The following VPS13D variants were observed in gnomAD, a reference collection of about 807,000 sequenced individuals.
VPS13D encodes the protein intermembrane lipid transfer protein VPS13D.
A neutral mutation model predicts 461.9 loss-of-function variants in VPS13D; 187 were observed. The observed-to-expected ratio is 0.40, with a 90% CI of 0.36 to 0.46. The LOEUF is 0.46. Ranked by LOEUF, VPS13D falls within the 20% of genes least tolerant of loss-of-function variation. The probability of loss-of-function intolerance (pLI) is 0.60; values close to 1 mark genes in which losing one functional copy is unlikely to be tolerated. For synonymous variants in VPS13D, 1,951 were observed against 1,986.3 expected (o/e 0.98, Z 0.47); for missense variants, 4,711 against 5,364.9 (o/e 0.88, Z 3.81).
chr1:12,386,666 T>C (rs1644354680), intron 60 of VPS13D, among the ~76,000 whole-genome samples: 1 of 152,128 alleles, frequency 6.6e-6, no homozygotes, highest in African/African-American at 2.4e-5. Context: ...GAGAACAAAC[T>C]AAAGAACTGG....
intron 60 of VPS13D, among the ~76,000 whole-genome samples, chr1:12,398,942 A>G (rs1218665126): frequency 6.6e-6 from 1 of 152,148 alleles, no homozygotes; most frequent in African/African-American, 2.4e-5. Context: ...CAGCAGTGTG[A>G]CCTGAAGCAA....
At chr1:12,310,539 G>A (rs1160982363) in intron 27 of VPS13D, among the ~76,000 whole-genome samples, 1 of 152,072 alleles carries the variant, frequency 6.6e-6, no homozygotes, top group African/African-American at 2.4e-5. Context: ...CTGAGATGAC[G>A]AACCTATTCA....
rs778064785 is a variant in VPS13D, at chr1:12,256,401, T to A, written c.738T>A (p.Ala246=). ...TCCTGGAGCCTGTGTTTGCATCTGC[T>A]CTTTTGAAGAGAAACTGCTCCAAGA... ...HYVLEPVFAS[A]LLKRNCSKKP... The change falls in exon 8 of 70, where the codon GCT becomes GCA. Residue 246 remains alanine (A), a synonymous_variant. Coordinates refer to ENST00000620676, the MANE Select transcript of VPS13D (RefSeq NM_015378.4). 6 of 1,614,082 alleles carry A rather than the reference T, an allele frequency of 3.7e-6. No homozygotes were observed. The South Asian group carries it at 6.6e-5, about 18-fold the overall frequency.
At chr1:12,301,375 C>G (rs184330469) in intron 25 of VPS13D, among the ~76,000 whole-genome samples, 16 of 152,340 alleles carry the variant, frequency 1.1e-4, no homozygotes, top group African/African-American at 3.6e-4. Flanking sequence ...GGGGTTCCCA[C>G]AATGCCTCCT....
intron 46 of VPS13D, among the ~76,000 whole-genome samples, chr1:12,352,122 T>C (rs1643810216): frequency 6.6e-6 from 1 of 151,728 alleles, no homozygotes; most frequent in South Asian, 2.1e-4. Context: ...AAACTCCGTC[T>C]CTAGTAAAAA....
chr1:12,456,499 G>A (rs1035682426), intron 66 of VPS13D, among the ~76,000 whole-genome samples: 8 of 151,976 alleles, frequency 5.3e-5, no homozygotes, highest in Admixed American at 2.0e-4. Context: ...TTAGACAGGC[G>A]TGGTGGTACA....
Position 12,260,807 on chromosome 1 carries a change from C to T in VPS13D, c.1212+13C>T, listed in dbSNP as rs12033054. 1 of 1,613,866 alleles carries T rather than the reference C, an allele frequency of 6.2e-7. No homozygotes were observed. The highest frequency in any genetic ancestry group is 2.2e-5 in the East Asian group (1 of 44,872). On this transcript the variant is annotated intron_variant, in intron 11 of 69. Coordinates refer to ENST00000620676, the MANE Select transcript of VPS13D (RefSeq NM_015378.4). ...AGAACTAGCAGAGGTAAGAAATCCT[C>T]TACAAGAGGATTTGTTCAGACCCAG...
intron 65 of VPS13D, among the ~76,000 whole-genome samples, chr1:12,440,013 A>T (rs1645109337): frequency 6.6e-6 from 1 of 152,196 alleles, no homozygotes; most frequent in African/African-American, 2.4e-5. Context: ...TTGTAGTGAT[A>T]TGAACACATT....
intron 49 of VPS13D, among the ~76,000 whole-genome samples, chr1:12,357,210 T>G (rs906339046): frequency 6.6e-6 from 1 of 152,234 alleles, no homozygotes; most frequent in Admixed American, 6.5e-5. Context: ...GTGTTATCGG[T>G]AGAATCGTGC....
At chr1:12,437,004 C>T (rs1263389675) in intron 65 of VPS13D, among the ~76,000 whole-genome samples, 1 of 152,112 alleles carries the variant, frequency 6.6e-6, no homozygotes, top group Non-Finnish European at 1.5e-5. Flanking sequence ...ACAGTTATAC[C>T]TTTCACTGAG....
intron 3 of VPS13D, among the ~76,000 whole-genome samples, chr1:12,243,695 C>T (rs1413706170): frequency 6.6e-6 from 1 of 152,142 alleles, no homozygotes; most frequent in Non-Finnish European, 1.5e-5. Context: ...AAATAAATAT[C>T]ACAATTCTAC....
rs1569845499 is a variant in VPS13D at position 12,299,087 on chromosome 1, T to C, written c.6034-115T>C. 1 of 962,860 alleles carries C rather than the reference T, an allele frequency of 1.0e-6. No homozygotes were observed. Among genetic ancestry groups the C allele is most frequent in the East Asian group, 2.6e-5 (1 of 38,268 alleles). 59.6% of individuals were successfully genotyped at this position (962,860 alleles called of 1,614,324 possible). On this transcript the variant is annotated intron_variant, in intron 24 of 69. Transcript: ENST00000620676. This position sits in a 1 kb window ranked among gnomAD's most constrained non-coding sequence, Gnocchi z 4.2. ...ACTCCATGGTGGTCATAGAATATGC[T>C]CTGTATGATTTTAATTGTTTTATAA...
chr1:12,403,437 C>T (rs1644606121), intron 62 of VPS13D, among the ~76,000 whole-genome samples: 1 of 152,244 alleles, frequency 6.6e-6, no homozygotes, highest in Non-Finnish European at 1.5e-5. Context: ...AGTTACACTG[C>T]ACTCCAAGAC....
In VPS13D at chr1:12,460,405, T is replaced by C; in HGVS notation, c.12662+9T>C. 6.4e-7 allele frequency: 1 copy of C among 1,559,308 alleles called. No individual in the cohort carries two copies. The highest frequency in any genetic ancestry group is 8.7e-7 in the Non-Finnish European group (1 of 1,152,520). ...ACACTCAGCGGCCCCAGGTCAGTGG[T>C]GTGGGAAGAATGGCTTTTGCAGTTT... On this transcript the variant is annotated intron_variant, in intron 67 of 69. Coordinates refer to ENST00000620676, the MANE Select transcript of VPS13D (RefSeq NM_015378.4).
intron 60 of VPS13D, among the ~76,000 whole-genome samples, chr1:12,399,371 A>G (rs1644542992): frequency 6.6e-6 from 1 of 151,348 alleles, no homozygotes; most frequent in African/African-American, 2.4e-5. Flanking sequence ...TAATTTTTGT[A>G]TTTGTAGTAG....
chr1:12,382,066 T>C (rs144435567), intron 57 of VPS13D, among the ~76,000 whole-genome samples: 2,893 of 149,978 alleles, frequency 0.019, 60 homozygotes, highest in African/African-American at 0.034. Flanking sequence ...CTTTCTTCTC[T>C]CTCTTTCTTT....
At chr1:12,459,157 A>G (rs766265031) in intron 66 of VPS13D, among the ~76,000 whole-genome samples, 23 of 152,216 alleles carry the variant, frequency 1.5e-4, no homozygotes, top group Non-Finnish European at 3.1e-4. Flanking sequence ...ATGGATGGAA[A>G]ATATTTGGGG....
At chr1:12,337,460 A>G (rs1643476543) in intron 39 of VPS13D, 1 of 152,186 alleles carries the variant, frequency 6.6e-6, no homozygotes, top group South Asian at 2.1e-4. Context: ...CTGGCCTTAA[A>G]ACAAGCTCTT....
At chr1:12,259,595 C>A (rs757182422) in intron 10 of VPS13D, among the ~76,000 whole-genome samples, 1 of 152,128 alleles carries the variant, frequency 6.6e-6, no homozygotes, top group Non-Finnish European at 1.5e-5. Context: ...TGAGCCACTG[C>A]GCCCAGCCCT....
Sources: allele counts gnomAD v4.1 joint callset (sites outside exome capture counted in the v4.1 genomes callset), GRCh38; gene constraint gnomAD v4.1.1; non-coding constraint Gnocchi (gnomAD v3.1); transcripts MANE v1.5; gene names NCBI Gene and HGNC (gene_info 2026-07-23, HGNC 2026-07-21).